Variants in PCIF1 observed in about 807,000 individuals in gnomAD.
PCIF1 encodes the protein phosphorylated CTD interacting factor 1, also known as mRNA (2'-O-methyladenosine-N(6)-)-methyltransferase.
In PCIF1, 12 loss-of-function variants were observed where a neutral mutation model predicts 86.9. That is an observed-to-expected ratio of 0.14 (90% CI 0.09 to 0.22). PCIF1 has a LOEUF of 0.22. Ranked by LOEUF, PCIF1 falls within the 10% of genes least tolerant of loss-of-function variation. PCIF1 has a pLI of 1.00. For missense variants in PCIF1, 701 were observed against 951.1 expected, an observed-to-expected ratio of 0.74 and a Z score of 3.46; for synonymous variants, 397 against 372.0, an observed-to-expected ratio of 1.07 and a Z score of -0.77.
At chr20:45,944,707 T>G (rs1248125994) in intron 10 of PCIF1, among the ~76,000 whole-genome samples, 161 bp from the exon 11 acceptor site, 1 of 152,184 alleles carries the variant, frequency 6.6e-6, no homozygotes, top group Non-Finnish European at 1.5e-5. Context: ...GGAATAAGAT[T>G]GAGAGAAGCC....
At position 45,943,306 on chromosome 20, in the gene PCIF1, G is replaced by A. The variant is rs2083492055; in HGVS notation, c.822-34G>A. ...TGGTTTCTGTGCCCAGTCATGTATA[G>A]AAGGCCTCTAACTCTGCCCACTCTG... is the stretch of plus-strand genomic sequence containing the variant. On this transcript the variant is annotated intron_variant, in intron 8 of 16. Transcript: ENST00000372409. This position sits in a 1 kb window ranked among gnomAD's most constrained non-coding sequence, Gnocchi z 5.5. 1 of 1,613,906 alleles carries A rather than the reference G, an allele frequency of 6.2e-7. No homozygotes were observed. Among genetic ancestry groups the A allele is most frequent in the Non-Finnish European group, 8.5e-7 (1 of 1,179,788 alleles).
At position 45,939,443 on chromosome 20, in the gene PCIF1, C is replaced by T. The variant is rs2083451786; in HGVS notation, c.249+104C>T. Reference sequence around the variant, plus strand: ...CGTTCAGTGCCCAGCCCTGTGCTGGCACCTGCAGATACAATGACAAGCAAG... The same window carrying T: ...CGTTCAGTGCCCAGCCCTGTGCTGGTACCTGCAGATACAATGACAAGCAAG... On this transcript the variant is annotated intron_variant, in intron 4 of 16. Coordinates refer to ENST00000372409, the MANE Select transcript of PCIF1 (RefSeq NM_022104.4). 3 of 1,499,630 alleles carry T rather than the reference C, an allele frequency of 2.0e-6. 1 individual carries two copies. Among genetic ancestry groups the T allele is most frequent in the East Asian group, 2.3e-5 (1 of 44,102 alleles). 92.9% of individuals were successfully genotyped at this position (1,499,630 alleles called of 1,614,324 possible). A position where few individuals can be genotyped will look rare whatever the true frequency, so the allele number is the denominator to read the frequency against.
In PCIF1 at chr20:45,947,899, A is replaced by G; in HGVS notation, c.*144A>G. ...GGGCTCCCCTCCCTGCCTGTCCCCA[A>G]GTCCTCACCTCAAACTCCCTCCAAG... On this transcript the variant is annotated 3_prime_UTR_variant, in exon 17 of 17. Coordinates refer to ENST00000372409, the MANE Select transcript of PCIF1 (RefSeq NM_022104.4). The surrounding 1 kb of genome is among the most constrained non-coding windows in gnomAD (Gnocchi z 5.4). 1 of 1,533,648 alleles carries G rather than the reference A, an allele frequency of 6.5e-7. No individual in the cohort carries two copies. The highest frequency in any genetic ancestry group is 8.7e-7 in the Non-Finnish European group (1 of 1,146,476).
chr20:45,947,984 G>C lies in PCIF1; in HGVS notation c.*229G>C. ...CCGCCCCTCACCCTGTTGCCACCTTGTTTCATTTGTAAAAGGAAATACAGA... is the reference window on the plus strand; with the variant it reads ...CCGCCCCTCACCCTGTTGCCACCTTCTTTCATTTGTAAAAGGAAATACAGA... On this transcript the variant is annotated 3_prime_UTR_variant, in exon 17 of 17. Transcript: ENST00000372409. This position sits in a 1 kb window ranked among gnomAD's most constrained non-coding sequence, Gnocchi z 5.4. 6.6e-7 allele frequency: 1 copy of C among 1,521,900 alleles called. No individual in the cohort carries two copies. The highest frequency in any genetic ancestry group is 1.7e-4 in the Middle Eastern group (1 of 5,926). 94.3% of individuals were successfully genotyped at this position (1,521,900 alleles called of 1,614,324 possible).
intron 2 of PCIF1, among the ~76,000 whole-genome samples, chr20:45,938,687 G>C (rs74403420): frequency 1.3e-3 from 203 of 152,260 alleles, no homozygotes; most frequent in African/African-American, 4.7e-3. Context: ...TGACCACCTG[G>C]CCTGGGGAGG....
Position 45,945,765 on chromosome 20 carries a change from G to C in PCIF1, c.1223G>C (p.Arg408Pro), listed in dbSNP as rs774835563. The change falls in exon 12 of 17, where the codon CGG becomes CCG. Residue 408 changes from arginine (R) to proline (P), a missense_variant. Physicochemically the swap from Arg to Pro is moderately radical, Grantham distance 103. Around this residue, in one of 7 missense-constraint regions of PCIF1, gnomAD observed 121 missense variants for 131.7 expected, o/e 0.92. Transcript: ENST00000372409. ...CGCCTAGTGTACTGCTACCCAGTCC[G>C]GCTGGCTGTGTCTGCACCGCCCATG... ...EPRLVYCYPV[R>P]LAVSAPPMPS... 6.2e-7 allele frequency: 1 copy of C among 1,613,830 alleles called. No homozygotes were observed. Among genetic ancestry groups the C allele is most frequent in the Non-Finnish European group, 8.5e-7 (1 of 1,180,038 alleles).
At chr20:45,934,829 C>A (rs188917429) in intron 1 of PCIF1, 25 bp downstream of exon 1, 1 of 398,150 alleles carries the variant, frequency 2.5e-6, no homozygotes, top group Non-Finnish European at 4.4e-6. Flanking sequence ...AAGCCATGGT[C>A]CCGCAGCGAG....
intron 11 of PCIF1, 24 bp downstream of exon 11, chr20:45,945,054 C>T: frequency 6.3e-7 from 1 of 1,580,862 alleles, no homozygotes; most frequent in Non-Finnish European, 8.6e-7. Context: ...GAAGGAGGAG[C>T]CAGCTGTGAT....
At position 45,947,049 on chromosome 20, in the gene PCIF1, T is replaced by C. The variant is rs1442066070; in HGVS notation, c.1614-24T>C. On this transcript the variant is annotated intron_variant, in intron 14 of 16. Coordinates refer to ENST00000372409, the MANE Select transcript of PCIF1 (RefSeq NM_022104.4). The surrounding 1 kb of genome is among the most constrained non-coding windows in gnomAD (Gnocchi z 5.4). ...TGAGGGACTGGGTCCTGATGGGACT[T>C]AGAATGCTCACTCCTGTCCCCAGGC... 1 of 1,582,744 alleles carries C rather than the reference T, an allele frequency of 6.3e-7. No homozygotes were observed. The highest frequency in any genetic ancestry group is 8.6e-7 in the Non-Finnish European group (1 of 1,157,538).
At position 45,940,554 on chromosome 20, in the gene PCIF1, C is replaced by G. The variant is rs2083460399; in HGVS notation, c.329C>G (p.Pro110Arg). Residue 110 changes from proline (P) to arginine (R), a missense_variant, in exon 5 of 17, where the codon CCC becomes CGC. Pro to Arg is a moderately radical substitution (Grantham distance 103, BLOSUM62 -2). Coordinates refer to ENST00000372409, the MANE Select transcript of PCIF1 (RefSeq NM_022104.4). ...LVETPPAENK[P>R]RKRQLSEEQP... ...GAAACTCCCCCGGCTGAGAACAAGC[C>G]CAGAAAGCGGCAGCTCTCGGAAGAG... 1 of 1,609,192 alleles carries G rather than the reference C, an allele frequency of 6.2e-7. No homozygotes were observed. Among genetic ancestry groups the G allele is most frequent in the Non-Finnish European group, 8.5e-7 (1 of 1,177,660 alleles).
Position 45,939,356 on chromosome 20 carries a change from G to T in PCIF1, c.249+17G>T. 2 of 1,612,718 alleles carry T rather than the reference G, an allele frequency of 1.2e-6. No individual in the cohort carries two copies. Among genetic ancestry groups the T allele is most frequent in the Non-Finnish European group, 1.7e-6 (2 of 1,179,972 alleles). The stretch of plus-strand genomic sequence containing the variant: ...GATGTGATTGTGAGTGCCAGCCTAG[G>T]GTGGGGGGGTCTCAGAGTGGCCTCT... On this transcript the variant is annotated intron_variant, in intron 4 of 16. Transcript: ENST00000372409.
chr20:45,940,653 C>T (rs774903936), intron 5 of PCIF1, 41 bp downstream of exon 5: 2 of 1,581,272 alleles, frequency 1.3e-6, no homozygotes, highest in Non-Finnish European at 8.6e-7. Context: ...GAGCGGCCGG[C>T]TCAGACGGGC....
chr20:45,941,007 G>T, intron 6 of PCIF1, 46 bp from the exon 7 acceptor site: 1 of 1,614,166 alleles, frequency 6.2e-7, no homozygotes, highest in Non-Finnish European at 8.5e-7. Flanking sequence ...CTGTGGGGTG[G>T]TGTGGGTGGG....
rs1259185932 is a variant in PCIF1 at position 45,943,780 on chromosome 20, G to A, written c.1005+15G>A. On this transcript the variant is annotated intron_variant, in intron 10 of 16. Transcript: ENST00000372409. The surrounding 1 kb of genome is among the most constrained non-coding windows in gnomAD (Gnocchi z 5.5). The stretch of plus-strand genomic sequence containing the variant: ...AGGACTACATGGTGAGTGGGTCCCC[G>A]GGTGAGAAGGCCAGTTTTAGGGCTC... 1.7e-5 allele frequency: 27 copies of A among 1,547,638 alleles called. No homozygotes were observed. The highest frequency in any genetic ancestry group is 1.1e-4 in the African/African-American group (8 of 73,020).
At chr20:45,945,630 C>CT in intron 11 of PCIF1, 81 bp from the exon 12 acceptor site, 2 of 1,512,594 alleles carry the variant, frequency 1.3e-6, no homozygotes, top group Non-Finnish European at 1.8e-6. Flanking sequence ...ACTTCCCTCT[C>CT]TCGGTACAAA....
rs142345932 is a variant in PCIF1 at position 45,943,924 on chromosome 20, GA to G, written c.1005+160del. Among the ~76,000 whole-genome samples, 277 of 152,296 alleles carry G rather than the reference GA, an allele frequency of 1.8e-3. 1 individual carries two copies. The highest frequency in any genetic ancestry group is 6.8e-3 in the Middle Eastern group (2 of 294). ...GACATTCGTCAGTCCCCAAACTCAT[GA>G]CTGTGGAGATGTTTCTCTGGGCTCC... On this transcript the variant is annotated intron_variant, in intron 10 of 16. Transcript: ENST00000372409. This position sits in a 1 kb window ranked among gnomAD's most constrained non-coding sequence, Gnocchi z 5.5.
chr20:45,940,989 G>C, intron 6 of PCIF1, 50 bp downstream of exon 6: 1 of 1,614,130 alleles, frequency 6.2e-7, no homozygotes, highest in Non-Finnish European at 8.5e-7. Context: ...ATGTCAGCCT[G>C]TCTGGGACTG....
At position 45,945,136 on chromosome 20, in the gene PCIF1, A is replaced by G. The variant is rs1600508571; in HGVS notation, c.1168+106A>G. The G allele has an allele frequency of 5.3e-6, 7 of 1,316,656 alleles. No individual in the cohort carries two copies. In the East Asian group the frequency reaches 1.8e-4, roughly 34 times the overall value. The allele number at this position is 1,316,656 out of a possible 1,614,324, so 81.6% of individuals were successfully genotyped here. ...TCAAGGCCAGGGACTGGTTTGGGGC[A>G]GAACCTGCCTGTGTCCTTTGGCTGT... is the stretch of plus-strand genomic sequence containing the variant. On this transcript the variant is annotated intron_variant, in intron 11 of 16. Transcript: ENST00000372409.
Position 45,945,043 on chromosome 20 carries a change from TGAA to T in PCIF1, c.1168+15_1168+17del. On this transcript the variant is annotated intron_variant, in intron 11 of 16. Coordinates refer to ENST00000372409, the MANE Select transcript of PCIF1 (RefSeq NM_022104.4). ...AACAACATCTCAGGTAGGGGAAAGG[TGAA>T]GGAGGAGCCAGCTGTGATGCCGTCA... is the stretch of plus-strand genomic sequence containing the variant. The T allele has an allele frequency of 1.3e-6, 2 of 1,594,594 alleles. No homozygotes were observed. Among genetic ancestry groups the T allele is most frequent in the Non-Finnish European group, 1.7e-6 (2 of 1,170,566 alleles).
Sources: allele counts gnomAD v4.1 joint callset (sites outside exome capture counted in the v4.1 genomes callset), GRCh38; gene constraint gnomAD v4.1.1; regional missense constraint gnomAD v4.1.1; non-coding constraint Gnocchi (gnomAD v3.1); transcripts MANE v1.5; gene names NCBI Gene and HGNC (gene_info 2026-07-23, HGNC 2026-07-21).